Variants in NUP155 observed in about 807,000 individuals in gnomAD.
The protein encoded by NUP155 is nucleoporin 155.
Under a neutral mutation model 180.4 loss-of-function variants are expected in NUP155, and 71 were observed. The observed-to-expected ratio is 0.39, with a 90% CI of 0.33 to 0.48. NUP155 has a LOEUF of 0.48. Ranked by LOEUF, NUP155 falls within the 20% of genes least tolerant of loss-of-function variation. The probability of loss-of-function intolerance (pLI) is 0.91; values close to 1 mark genes in which losing one functional copy is unlikely to be tolerated. For synonymous variants in NUP155, 582 were observed against 559.5 expected, an observed-to-expected ratio of 1.04 and a Z score of -0.57; for missense variants, 1,553 against 1,648.9, an observed-to-expected ratio of 0.94 and a Z score of 1.01.
chr5:37,358,269 A>G (rs1400928526), intron 3 of NUP155, 118 bp from the exon 4 acceptor site: 14 of 747,312 alleles, frequency 1.9e-5, no homozygotes, highest in Middle Eastern at 3.4e-4. Context: ...GCCTGAGCCC[A>G]GAAGTTCAAG....
intron 29 of NUP155, among the ~76,000 whole-genome samples, chr5:37,302,120 T>C (rs568408366): frequency 6.6e-6 from 1 of 152,338 alleles, no homozygotes; most frequent in East Asian, 1.9e-4. Flanking sequence ...TTCTCTTAGT[T>C]AGGGAATTTT....
chr5:37,314,146 A>T (rs907026523), intron 22 of NUP155, 52 bp downstream of exon 22: 9 of 1,372,084 alleles, frequency 6.6e-6, no homozygotes, highest in African/African-American at 1.5e-5. Context: ...CTCATCCAAA[A>T]AATCCAAACA....
At chr5:37,292,828 A>C in intron 34 of NUP155, 51 bp downstream of exon 34, 1 of 1,171,350 alleles carries the variant, frequency 8.5e-7, no homozygotes, top group Non-Finnish European at 1.3e-6. Context: ...CCAGGTATTT[A>C]TTAGAAGCAT....
chr5:37,355,547 G>GTGTA (rs977072922), intron 4 of NUP155, among the ~76,000 whole-genome samples: 2 of 147,392 alleles, frequency 1.4e-5, no homozygotes, highest in African/African-American at 5.0e-5. Flanking sequence ...GTGTGTGTGT[G>GTGTA]TATATATATA....
At position 37,346,529 on chromosome 5, in the gene NUP155, A is replaced by T. The variant is rs188984404; in HGVS notation, c.995+1976T>A. Reference sequence around the variant, plus strand: ...TCTACTGAAAATACAAAAATTAGCCAGGCGTGGTGACAGGCGCCTGTAATT... The same window carrying T: ...TCTACTGAAAATACAAAAATTAGCCTGGCGTGGTGACAGGCGCCTGTAATT... On this transcript the variant is annotated intron_variant, in intron 9 of 34. Transcript: ENST00000231498. Among the ~76,000 whole-genome samples the T allele has an allele frequency of 3.0e-3, 461 of 152,082 alleles. 3 individuals are homozygous for T. The highest frequency in any genetic ancestry group is 4.6e-3 in the Non-Finnish European group (313 of 67,984).
At chr5:37,359,786 A>G (rs1422652708) in intron 3 of NUP155, among the ~76,000 whole-genome samples, 1 of 152,210 alleles carries the variant, frequency 6.6e-6, no homozygotes, top group Non-Finnish European at 1.5e-5. Flanking sequence ...AAACTATCAG[A>G]CAAGAAATGT....
chr5:37,370,534 A>G, intron 1 of NUP155: 1 of 742,390 alleles, frequency 1.3e-6, no homozygotes, highest in Non-Finnish European at 2.0e-6. Flanking sequence ...GGCCTTAGCC[A>G]TAAGCACTTG....
chr5:37,335,318 C>G (rs1327695351), intron 12 of NUP155, among the ~76,000 whole-genome samples: 1 of 118,786 alleles, frequency 8.4e-6, no homozygotes, highest in African/African-American at 6.3e-5. Context: ...GAGTTTGAGG[C>G]TATAGTGAGC....
At chr5:37,315,342 AT>A (rs1402781970) in intron 21 of NUP155, among the ~76,000 whole-genome samples, 2 of 152,250 alleles carry the variant, frequency 1.3e-5, no homozygotes, top group African/African-American at 4.8e-5. Context: ...AGTTCATGCA[AT>A]AACTTATTAT....
chr5:37,325,023 C>T (rs1744496840), intron 19 of NUP155, among the ~76,000 whole-genome samples: 1 of 152,114 alleles, frequency 6.6e-6, no homozygotes, highest in Admixed American at 6.5e-5. Flanking sequence ...TGGTGGCGCG[C>T]ACCTGTAATC....
chr5:37,347,693 T>C (rs1463177970), intron 9 of NUP155, among the ~76,000 whole-genome samples: 5 of 99,138 alleles, frequency 5.0e-5, no homozygotes, highest in African/African-American at 1.7e-4. Context: ...TGAAACTCCA[T>C]CTCAAAAAAA....
intron 20 of NUP155, among the ~76,000 whole-genome samples, chr5:37,320,433 A>G (rs1054723153): frequency 6.6e-6 from 1 of 152,254 alleles, no homozygotes; most frequent in African/African-American, 2.4e-5. Context: ...GCCGAGGATC[A>G]TGCCATCGCA....
chr5:37,324,128 T>G lies in NUP155; in HGVS notation c.2092-21A>C, dbSNP rs758627409. The G allele has an allele frequency of 5.7e-5, 88 of 1,536,134 alleles. No individual in the cohort carries two copies. In the South Asian group the frequency reaches 9.6e-4, roughly 17 times the overall value. ...TCAATCTGTAAAAATGAAAGATTTT[T>G]CAAAAGTTTAAAAACACACCCTCTG... On this transcript the variant is annotated intron_variant, in intron 19 of 34. Coordinates refer to ENST00000231498, the MANE Select transcript of NUP155 (RefSeq NM_153485.3).
chr5:37,296,940 G>A (rs866682025), intron 32 of NUP155, among the ~76,000 whole-genome samples: 1 of 152,078 alleles, frequency 6.6e-6, no homozygotes, highest in African/African-American at 2.4e-5. Flanking sequence ...ACTATGGGAG[G>A]CCAAGGTGAG....
Position 37,302,812 on chromosome 5 carries a change from A to AC in NUP155, c.3413dup (p.Glu1139Ter). On this transcript the variant is annotated frameshift_variant, in exon 29 of 35. Transcript: ENST00000231498. LOFTEE classifies it high-confidence loss of function. The stretch of plus-strand genomic sequence containing the variant: ...TTTCTTCTAATTCATGAAGAAATTC[A>AC]CCATCGGCAGCTATTGATGAAATGG... The AC allele has an allele frequency of 6.2e-7, 1 of 1,614,110 alleles. No individual in the cohort carries two copies. The highest frequency in any genetic ancestry group is 8.5e-7 in the Non-Finnish European group (1 of 1,179,992).
At chr5:37,346,982 C>G (rs1746133655) in intron 9 of NUP155, among the ~76,000 whole-genome samples, 1 of 152,192 alleles carries the variant, frequency 6.6e-6, no homozygotes, top group South Asian at 2.1e-4. Context: ...AACCCCAGCA[C>G]TTTGGGAGGC....
rs1283751834 is a variant in NUP155 at position 37,339,307 on chromosome 5, C to CAA, written c.1247-1391_1247-1390dup. 7.6e-3 allele frequency among the ~76,000 whole-genome samples: 482 copies of CAA among 63,236 alleles called. 5 individuals are homozygous for CAA. The highest frequency in any genetic ancestry group is 0.022 in the African/African-American group (465 of 21,526). The allele number at this position is 63,236 out of a possible 152,430, so 41.5% of individuals were successfully genotyped here. A position where few individuals can be genotyped will look rare whatever the true frequency, so the allele number is the denominator to read the frequency against. ...GCTTGGGTGACAGTAGACACTGTCT[C>CAA]AAAAAAAAAAAAAAAAAAGGCAATT... is the stretch of plus-strand genomic sequence containing the variant. On this transcript the variant is annotated intron_variant, in intron 11 of 34. Transcript: ENST00000231498.
intron 20 of NUP155, among the ~76,000 whole-genome samples, chr5:37,322,715 A>AAG (rs1484519459): frequency 6.6e-6 from 1 of 151,568 alleles, no homozygotes; most frequent in Non-Finnish European, 1.5e-5. Flanking sequence ...TCAAAAAAAA[A>AAG]AAAAAAATCC....
At chr5:37,315,291 T>C (rs1258106559) in intron 21 of NUP155, among the ~76,000 whole-genome samples, 1 of 152,128 alleles carries the variant, frequency 6.6e-6, no homozygotes, top group African/African-American at 2.4e-5. Context: ...ACCCTAACAA[T>C]GGAAGGCAAA....
Sources: gnomAD v4.1 joint callset for allele counts (sites outside exome capture counted in the v4.1 genomes callset) on GRCh38, gnomAD v4.1.1 for gene constraint, MANE v1.5 for transcripts, NCBI Gene and HGNC (gene_info 2026-07-23, HGNC 2026-07-21) for gene names.